SIPA1: variants seen among roughly 807,000 people sequenced by gnomAD.
SIPA1 encodes the protein signal-induced proliferation-associated protein 1.
In SIPA1, 51 loss-of-function variants were observed where a neutral mutation model predicts 88.1. The observed-to-expected ratio is 0.58, with a 90% CI of 0.46 to 0.73. The LOEUF (loss-of-function observed/expected upper bound fraction) is 0.73. SIPA1 is among the 30% of genes least tolerant of loss of function. SIPA1 has a pLI of 0.00. For synonymous variants in SIPA1, 681 were observed against 664.8 expected (o/e 1.02, Z -0.37); for missense variants, 1,348 against 1,467.6 (o/e 0.92, Z 1.33).
At chr11:65,649,052 T>A in intron 9 of SIPA1, 1 of 512,316 alleles carries the variant, frequency 2.0e-6, no homozygotes. Flanking sequence ...ATGTTCAGAG[T>A]GATTTGCTTG....
chr11:65,640,000 C>T (rs1855971964), intron 1 of SIPA1: 1 of 152,304 alleles, frequency 6.6e-6, no homozygotes, highest in African/African-American at 2.4e-5. Context: ...TCAGACCTCC[C>T]TGTCTGCATC....
At position 65,649,996 on chromosome 11, in the gene SIPA1, C is replaced by T; in HGVS notation, c.2793C>T (p.Ala931=). 6.2e-7 allele frequency: 1 copy of T among 1,613,994 alleles called. No homozygotes were observed. Among genetic ancestry groups the T allele is most frequent in the Non-Finnish European group, 8.5e-7 (1 of 1,179,990 alleles). ...GSGTLEDEWQ[A]ISEIASTCNT... ...GGACCCTGGAGGACGAGTGGCAGGC[C>T]ATCTCGGAGATTGCCTCTACTTGCA... The change falls in exon 13 of 16, where the codon GCC becomes GCT. Residue 931 remains alanine, a synonymous_variant. Coordinates refer to ENST00000534313, the MANE Select transcript of SIPA1 (RefSeq NM_006747.4).
In SIPA1 at chr11:65,645,025, A is replaced by C; in HGVS notation, c.1055A>C (p.Asn352Thr). 2 of 1,614,030 alleles carry C rather than the reference A, an allele frequency of 1.2e-6. No individual in the cohort carries two copies. Among genetic ancestry groups the C allele is most frequent in the Non-Finnish European group, 1.7e-6 (2 of 1,179,938 alleles). ...AGQGSEEEMY[N>T]NQEAGPAFMQ... is the part of the protein sequence containing the mutation. ...CAGGGCTCGGAGGAGGAGATGTACA[A>C]CAACCAGGAGGCGGGACCGGCCTTC... The change falls in exon 5 of 16, where the codon AAC becomes ACC. Residue 352 changes from asparagine (N) to threonine (T), a missense_variant. By Grantham distance (65) the Asn-to-Thr change is moderately conservative. Around this residue, in one of 4 missense-constraint regions of SIPA1, gnomAD observed 641 missense variants for 797.7 expected, o/e 0.80. Coordinates refer to ENST00000534313, the MANE Select transcript of SIPA1 (RefSeq NM_006747.4).
Position 65,646,690 on chromosome 11 carries a change from T to G in SIPA1, c.1656T>G (p.Ala552=), listed in dbSNP as rs1486890409. The change falls in exon 8 of 16, where the codon GCT becomes GCG. Residue 552 remains alanine (A), a synonymous_variant. Transcript: ENST00000534313. This position sits in a 1 kb window ranked among gnomAD's most constrained non-coding sequence, Gnocchi z 7.5. Reference sequence around the variant, plus strand: ...TGACCACTACGTCGCTGGACTCGGCTTCACGCTTCGGCCTGCCCTCCCTGG... The same window carrying G: ...TGACCACTACGTCGCTGGACTCGGCGTCACGCTTCGGCCTGCCCTCCCTGG... ...NEVTTTSLDS[A]SRFGLPSLGG... 6.5e-7 allele frequency: 1 copy of G among 1,542,170 alleles called. No homozygotes were observed. The highest frequency in any genetic ancestry group is 1.2e-5 in the South Asian group (1 of 84,094).
In SIPA1 at chr11:65,650,718, C is replaced by T. The variant is rs748164933; in HGVS notation, c.*3C>T. 24 of 1,566,584 alleles carry T rather than the reference C, an allele frequency of 1.5e-5. No homozygotes were observed. Among genetic ancestry groups the T allele is most frequent in the Non-Finnish European group, 1.7e-5 (20 of 1,155,864 alleles). On this transcript the variant is annotated 3_prime_UTR_variant, in exon 16 of 16. Coordinates refer to ENST00000534313, the MANE Select transcript of SIPA1 (RefSeq NM_006747.4). Reference sequence around the variant, plus strand: ...CACCCACCGCCGACCTGGCCTGAGCCGTCTGGAACCACCTGGGCCCCTGAG... The same window carrying T: ...CACCCACCGCCGACCTGGCCTGAGCTGTCTGGAACCACCTGGGCCCCTGAG...
Position 65,650,684 on chromosome 11 carries a change from AGCTGGGCTCACCCACCGCC to A in SIPA1, c.3100_3118del (p.Leu1034ThrfsTer33). ...ACACGCCTCCTCCTGGCCTCCAAGC[AGCTGGGCTCACCCACCGCC>A]GACCTGGCCTGAGCCGTCTGGAACC... On this transcript the variant is annotated frameshift_variant, in exon 16 of 16. Coordinates refer to ENST00000534313, the MANE Select transcript of SIPA1 (RefSeq NM_006747.4). LOFTEE classifies it high-confidence loss of function. 6.3e-7 allele frequency: 1 copy of A among 1,580,640 alleles called. No homozygotes were observed. The highest frequency in any genetic ancestry group is 8.6e-7 in the Non-Finnish European group (1 of 1,163,242).
At chr11:65,643,794 C>T (rs1242679574) in intron 4 of SIPA1, among the ~76,000 whole-genome samples, 2 of 150,248 alleles carry the variant, frequency 1.3e-5, no homozygotes, top group African/African-American at 4.9e-5. Flanking sequence ...GTCAGTTCAG[C>T]GTGGCTGGGG....
rs772302240 is a variant in SIPA1, at chr11:65,641,035, G to C, written c.114G>C (p.Pro38=). ...LRQPARPPLT[P]HTFEPRPVRG... ...AGCCAGCAAGGCCCCCGCTGACACCGCACACCTTCGAGCCGAGGCCAGTCC... is the reference window on the plus strand; with the variant it reads ...AGCCAGCAAGGCCCCCGCTGACACCCCACACCTTCGAGCCGAGGCCAGTCC... Residue 38 remains proline, a synonymous_variant, in exon 2 of 16, where the codon CCG becomes CCC. Coordinates refer to ENST00000534313, the MANE Select transcript of SIPA1 (RefSeq NM_006747.4). 16 of 1,591,224 alleles carry C rather than the reference G, an allele frequency of 1.0e-5. No individual in the cohort carries two copies. The highest frequency in any genetic ancestry group is 1.7e-6 in the Non-Finnish European group (2 of 1,173,362).
rs1247029079 is a variant in SIPA1, at chr11:65,642,079, G to C, written c.680-171G>C. ...GGGTCTGGGTCCACCTCTGGGTCAG[G>C]GTTGAGATCAAGATATTGAGCTCGG... On this transcript the variant is annotated intron_variant, in intron 2 of 15. Transcript: ENST00000534313. The surrounding 1 kb of genome is among the most constrained non-coding windows in gnomAD (Gnocchi z 6.5). 6.2e-6 allele frequency: 6 copies of C among 962,950 alleles called. No homozygotes were observed. The highest frequency in any genetic ancestry group is 9.1e-6 in the Non-Finnish European group (6 of 658,606). 59.7% of individuals were successfully genotyped at this position (962,950 alleles called of 1,614,324 possible).
rs1856137421 is a variant in SIPA1, at chr11:65,647,077, T to A, written c.2031+12T>A. On this transcript the variant is annotated intron_variant, in intron 8 of 15. Transcript: ENST00000534313. ...TGGCGCGCCTGCAGGTGAGCTGGAG[T>A]GGTAAACTGGGGCCCCTGCGCGCGG... is the stretch of plus-strand genomic sequence containing the variant. 6.6e-7 allele frequency: 1 copy of A among 1,513,880 alleles called. No homozygotes were observed. Among genetic ancestry groups the A allele is most frequent in the Non-Finnish European group, 8.8e-7 (1 of 1,136,560 alleles). The allele number at this position is 1,513,880 out of a possible 1,614,324, so 93.8% of individuals were successfully genotyped here.
At position 65,649,756 on chromosome 11, in the gene SIPA1, G is replaced by A; in HGVS notation, c.2638-1G>A. ...AATCTGTATCCACTTCTGTGGCACA[G>A]GACAGGCCAGGCAGTCCCAGTGGCT... On this transcript the variant is annotated splice_acceptor_variant, in intron 11 of 15. Coordinates refer to ENST00000534313, the MANE Select transcript of SIPA1 (RefSeq NM_006747.4). LOFTEE classifies it high-confidence loss of function. The A allele has an allele frequency of 1.2e-6, 2 of 1,614,084 alleles. No homozygotes were observed. Among genetic ancestry groups the A allele is most frequent in the South Asian group, 2.2e-5 (2 of 91,090 alleles).
In SIPA1 at chr11:65,640,851, C is replaced by T. The variant is rs943229554; in HGVS notation, c.-71C>T. On this transcript the variant is annotated 5_prime_UTR_variant, in exon 2 of 16. Coordinates refer to ENST00000534313, the MANE Select transcript of SIPA1 (RefSeq NM_006747.4). ...TTCAGGGCAGGAACTGCTGCCACAACCTCAGGCTGGGCACCAAACACCCGT... is the reference window on the plus strand; with the variant it reads ...TTCAGGGCAGGAACTGCTGCCACAATCTCAGGCTGGGCACCAAACACCCGT... The T allele has an allele frequency of 2.9e-5, 39 of 1,355,804 alleles. No individual in the cohort carries two copies. The highest frequency in any genetic ancestry group is 3.7e-5 in the Non-Finnish European group (38 of 1,031,354). 84.0% of individuals were successfully genotyped at this position (1,355,804 alleles called of 1,614,324 possible). A position where few individuals can be genotyped will look rare whatever the true frequency, so the allele number is the denominator to read the frequency against.
chr11:65,646,223 C>A lies in SIPA1; in HGVS notation c.1266C>A (p.Leu422=). 6.2e-7 allele frequency: 1 copy of A among 1,613,914 alleles called. No homozygotes were observed. Among genetic ancestry groups the A allele is most frequent in the Non-Finnish European group, 8.5e-7 (1 of 1,179,972 alleles). ...LPYTPNNQQQ[L]LRKRHIGNDI... ...AGCCCCTACTATCCAACCCCTAGCT[C>A]CTCCGGAAGCGCCACATTGGCAACG... The change falls in exon 7 of 16, where the codon CTC becomes CTA. Residue 422 remains leucine, a splice_region_variant and synonymous_variant. Transcript: ENST00000534313. This position sits in a 1 kb window ranked among gnomAD's most constrained non-coding sequence, Gnocchi z 7.5.
At chr11:65,639,693 G>A (rs1855965645) in intron 1 of SIPA1, among the ~76,000 whole-genome samples, 1 of 152,148 alleles carries the variant, frequency 6.6e-6, no homozygotes, top group Admixed American at 6.5e-5. Flanking sequence ...GGCTTGCCTG[G>A]GTGTGGCTTC....
chr11:65,650,855 C>T lies in SIPA1; in HGVS notation c.*140C>T. ...TTGGTGGCGGAAGTGGCCTCCACCC[C>T]TTCCCTGTTTGTAAATATTCTGTGG... On this transcript the variant is annotated 3_prime_UTR_variant, in exon 16 of 16. Transcript: ENST00000534313. 1 of 878,844 alleles carries T rather than the reference C, an allele frequency of 1.1e-6. No homozygotes were observed. The highest frequency in any genetic ancestry group is 1.7e-6 in the Non-Finnish European group (1 of 596,806). The allele number at this position is 878,844 out of a possible 1,614,324, so 54.4% of individuals were successfully genotyped here. A position where few individuals can be genotyped will look rare whatever the true frequency, so the allele number is the denominator to read the frequency against.
Position 65,650,796 on chromosome 11 carries a change from T to A in SIPA1, c.*81T>A. ...CAGGAACTCTCCCTGCGCAGAGGCG[T>A]GTCTTAGCACTGCCCCCCTCCCTAG... is the stretch of plus-strand genomic sequence containing the variant. On this transcript the variant is annotated 3_prime_UTR_variant, in exon 16 of 16. Coordinates refer to ENST00000534313, the MANE Select transcript of SIPA1 (RefSeq NM_006747.4). 7.1e-7 allele frequency: 1 copy of A among 1,403,010 alleles called. No individual in the cohort carries two copies. The highest frequency in any genetic ancestry group is 9.4e-7 in the Non-Finnish European group (1 of 1,060,480). 86.9% of individuals were successfully genotyped at this position (1,403,010 alleles called of 1,614,324 possible). A position where few individuals can be genotyped will look rare whatever the true frequency, so the allele number is the denominator to read the frequency against.
intron 1 of SIPA1, among the ~76,000 whole-genome samples, chr11:65,640,622 C>G (rs1006499146): frequency 2.0e-5 from 3 of 152,240 alleles, no homozygotes; most frequent in African/African-American, 7.2e-5. Context: ...CAAGACCCAA[C>G]AGCCCAGCCT....
At chr11:65,645,775 T>C in intron 5 of SIPA1, 79 bp from the exon 6 acceptor site, 5 of 947,368 alleles carry the variant, frequency 5.3e-6, no homozygotes, top group Non-Finnish European at 8.1e-6. Flanking sequence ...GGCTCCTGTG[T>C]ACAGGCAGGA....
intron 4 of SIPA1, among the ~76,000 whole-genome samples, chr11:65,644,095 C>T (rs1027133757): frequency 3.3e-5 from 5 of 151,830 alleles, no homozygotes; most frequent in African/African-American, 1.2e-4. Flanking sequence ...TCTTGGCCCC[C>T]AGGAGTGGTG....
Sources: allele counts gnomAD v4.1 joint callset (sites outside exome capture counted in the v4.1 genomes callset), GRCh38; gene constraint gnomAD v4.1.1; regional missense constraint gnomAD v4.1.1; non-coding constraint Gnocchi (gnomAD v3.1); transcripts MANE v1.5; gene names NCBI Gene and HGNC (gene_info 2026-07-23, HGNC 2026-07-21).